The following NHSL1 variants were observed in gnomAD, a reference collection of about 807,000 sequenced individuals.
NHSL1 encodes NHS like 1.
In NHSL1, 48 loss-of-function variants were observed where a neutral mutation model predicts 95.0. That is an observed-to-expected ratio of 0.51 (90% CI 0.40 to 0.64). NHSL1 has a LOEUF of 0.64. NHSL1 is among the 30% of genes least tolerant of loss of function. The probability of loss-of-function intolerance (pLI) is 0.00; values close to 1 mark genes in which losing one functional copy is unlikely to be tolerated. For synonymous variants in NHSL1, 783 were observed against 833.9 expected, an observed-to-expected ratio of 0.94 and a Z score of 1.05; for missense variants, 1,971 against 2,077.7, an observed-to-expected ratio of 0.95 and a Z score of 1.00.
In NHSL1 at chr6:138,432,799, T is replaced by C. The variant is rs1364178864; in HGVS notation, c.1546A>G (p.Met516Val). 1.9e-6 allele frequency: 3 copies of C among 1,551,574 alleles called. No homozygotes were observed. The highest frequency in any genetic ancestry group is 1.4e-5 in the African/African-American group (1 of 73,026). The stretch of plus-strand genomic sequence containing the variant: ...AGGTTGTTTCTACAATTATACGGCA[T>C]AGCTTGGGACCCATTCTCCCTATTT... ...PANRENGSQA[M>V]PYNCRNNLAF... Residue 516 changes from methionine to valine, a missense_variant, in exon 6 of 8, where the codon ATG (methionine) becomes GTG (valine). Physicochemically the swap from Met to Val is conservative, Grantham distance 21. Transcript: ENST00000343505. The surrounding 1 kb of genome is among the most constrained non-coding windows in gnomAD (Gnocchi z 4.4).
At chr6:138,489,221 C>A (rs1779888364) in intron 2 of NHSL1, among the ~76,000 whole-genome samples, 2 of 152,156 alleles carry the variant, frequency 1.3e-5, no homozygotes, top group Non-Finnish European at 2.9e-5. Context: ...TGCACCCCTC[C>A]CTCCACAGAC....
chr6:138,449,222 T>G (rs2876391), intron 3 of NHSL1, among the ~76,000 whole-genome samples: 1 of 152,166 alleles, frequency 6.6e-6, no homozygotes, highest in East Asian at 1.9e-4. Flanking sequence ...CTGTTGGCGA[T>G]AGGGCCCTAG....
At chr6:138,646,382 CA>C in intron 1 of NHSL1, among the ~76,000 whole-genome samples, 1 of 152,152 alleles carries the variant, frequency 6.6e-6, no homozygotes, top group South Asian at 2.1e-4. Context: ...ATCAACCAGC[CA>C]CTTGGGAGGC....
intron 1 of NHSL1, among the ~76,000 whole-genome samples, chr6:138,527,044 G>A (rs1396781026): frequency 1.3e-5 from 2 of 152,144 alleles, no homozygotes; most frequent in Non-Finnish European, 2.9e-5. Context: ...TAACATTAGC[G>A]TCTTTGTCTT....
chr6:138,434,530 T>A (rs1355277577), intron 5 of NHSL1, among the ~76,000 whole-genome samples: 1 of 151,062 alleles, frequency 6.6e-6, no homozygotes, highest in Non-Finnish European at 1.5e-5. Flanking sequence ...AGAACAGAGC[T>A]TATGAGAAAA....
chr6:138,423,155 G>A lies in NHSL1; in HGVS notation c.*926C>T, dbSNP rs1178787896. The A allele has an allele frequency of 6.7e-6, 1 of 150,204 alleles. No individual in the cohort carries two copies. Among genetic ancestry groups the A allele is most frequent in the Non-Finnish European group, 1.5e-5 (1 of 67,798 alleles). The allele number at this position is 150,204 out of a possible 1,614,324, so 9.3% of individuals were successfully genotyped here. A position where few individuals can be genotyped will look rare whatever the true frequency, so the allele number is the denominator to read the frequency against. Reference sequence around the variant, plus strand: ...AAAGCTCCACCCATAGTTCTGTAGTGCAAGTTTTCAAATTTAATTCTGAAA... The same window carrying A: ...AAAGCTCCACCCATAGTTCTGTAGTACAAGTTTTCAAATTTAATTCTGAAA... On this transcript the variant is annotated 3_prime_UTR_variant, in exon 8 of 8. Transcript: ENST00000343505.
chr6:138,566,172 C>T (rs1019186283), intron 1 of NHSL1, among the ~76,000 whole-genome samples: 9 of 151,996 alleles, frequency 5.9e-5, no homozygotes, highest in Admixed American at 1.3e-4. Context: ...CTGAGGTGGG[C>T]GGATCACCTG....
chr6:138,509,863 A>C (rs925019256), intron 1 of NHSL1, among the ~76,000 whole-genome samples: 1 of 152,190 alleles, frequency 6.6e-6, no homozygotes, highest in Non-Finnish European at 1.5e-5. Context: ...AACATTTCTA[A>C]ATCAATAAGG....
intron 1 of NHSL1, among the ~76,000 whole-genome samples, chr6:138,625,941 CCGAAAGTATTTGTTGAATGAAAGT>C (rs1784732166): frequency 6.6e-6 from 1 of 152,226 alleles, no homozygotes; most frequent in Non-Finnish European, 1.5e-5. Context: ...CCACACCCAA[CCGAAAGTATTTGTTGAATGAAAGT>C]TGTTTCCTTA....
In NHSL1 at chr6:138,470,762, C is replaced by G. The variant is rs1409629764; in HGVS notation, c.339+2544G>C. Among the ~76,000 whole-genome samples, 3 of 152,098 alleles carry G rather than the reference C, an allele frequency of 2.0e-5. No homozygotes were observed. The East Asian group carries it at 5.8e-4, about 29-fold the overall frequency. On this transcript the variant is annotated intron_variant, in intron 3 of 7. Transcript: ENST00000343505. Reference sequence around the variant, plus strand: ...GGGACCCCAGAAAATAGCTCTCCTCCCACAAACACCAGGCAGGTCCTCCCC... The same window carrying G: ...GGGACCCCAGAAAATAGCTCTCCTCGCACAAACACCAGGCAGGTCCTCCCC...
rs149237766 is a variant in NHSL1 at position 138,572,086 on chromosome 6, G to A, written c.-175C>T. 1,042 of 573,932 alleles carry A rather than the reference G, an allele frequency of 1.8e-3. 11 individuals are homozygous for A. Among genetic ancestry groups the A allele is most frequent in the African/African-American group, 0.018 (928 of 52,748 alleles). The allele number at this position is 573,932 out of a possible 1,614,324, so 35.6% of individuals were successfully genotyped here. A position where few individuals can be genotyped will look rare whatever the true frequency, so the allele number is the denominator to read the frequency against. ...TCTGTGTCACCCAATTAAAAAGAAAGGGAAAAGGAGGGGTTAAGAAAGAAA... is the reference window on the plus strand; with the variant it reads ...TCTGTGTCACCCAATTAAAAAGAAAAGGAAAAGGAGGGGTTAAGAAAGAAA... On this transcript the variant is annotated 5_prime_UTR_variant, in exon 1 of 7. Transcript: ENST00000427025.
At chr6:138,451,039 A>T (rs1389759728) in intron 3 of NHSL1, among the ~76,000 whole-genome samples, 1 of 152,096 alleles carries the variant, frequency 6.6e-6, no homozygotes, top group Non-Finnish European at 1.5e-5. Context: ...AGGCGAAGGA[A>T]TCCTTTTAGA....
chr6:138,542,439 A>G (rs970933665), intron 1 of NHSL1, among the ~76,000 whole-genome samples: 4 of 152,248 alleles, frequency 2.6e-5, no homozygotes, highest in Non-Finnish European at 4.4e-5. Context: ...CAGTAGGACA[A>G]TACTTCACTA....
intron 1 of NHSL1, among the ~76,000 whole-genome samples, chr6:138,615,977 C>T (rs1322950727): frequency 1.3e-5 from 2 of 152,188 alleles, no homozygotes; most frequent in African/African-American, 4.8e-5. Context: ...ATCGCTTGAG[C>T]CCAGGAGTTT....
intron 1 of NHSL1, among the ~76,000 whole-genome samples, chr6:138,664,213 T>G (rs1785265790): frequency 1.3e-5 from 2 of 152,240 alleles, no homozygotes; most frequent in Non-Finnish European, 2.9e-5. Context: ...TCACATTTAC[T>G]TTACATTTTA....
chr6:138,491,590 A>G (rs79112779), intron 2 of NHSL1, among the ~76,000 whole-genome samples: 5,764 of 152,312 alleles, frequency 0.038, 154 homozygotes, highest in Middle Eastern at 0.068. Context: ...TGATGGATGT[A>G]AAAAGGGTAG....
At position 138,422,883 on chromosome 6, in the gene NHSL1, CAA is replaced by C. The variant is rs900235462; in HGVS notation, c.*1196_*1197del. On this transcript the variant is annotated 3_prime_UTR_variant, in exon 8 of 8. Coordinates refer to ENST00000343505, the MANE Select transcript of NHSL1 (RefSeq NM_001144060.2). ...AATTTTTATCAGTTTATTTGACTAA[CAA>C]GAGCTATTCAGCATTTTCTTCAAAG... is the stretch of plus-strand genomic sequence containing the variant. 6 of 152,082 alleles carry C rather than the reference CAA, an allele frequency of 3.9e-5. No homozygotes were observed. The highest frequency in any genetic ancestry group is 4.1e-4 in the South Asian group (2 of 4,828). The allele number at this position is 152,082 out of a possible 1,614,324, so 9.4% of individuals were successfully genotyped here. A position where few individuals can be genotyped will look rare whatever the true frequency, so the allele number is the denominator to read the frequency against.
chr6:138,639,494 A>T (rs1293986926), intron 1 of NHSL1, among the ~76,000 whole-genome samples: 1 of 151,938 alleles, frequency 6.6e-6, no homozygotes, highest in Non-Finnish European at 1.5e-5. Context: ...AAGAAAAAAA[A>T]TAGCTGGGCA....
chr6:138,675,971 T>C (rs1400785585), intron 1 of NHSL1, among the ~76,000 whole-genome samples: 1 of 152,208 alleles, frequency 6.6e-6, no homozygotes, highest in Non-Finnish European at 1.5e-5. Context: ...ATATTACAAG[T>C]TCAAAATAAC....
Sources: gnomAD v4.1 joint callset for allele counts (sites outside exome capture counted in the v4.1 genomes callset) on GRCh38, gnomAD v4.1.1 for gene constraint, Gnocchi (gnomAD v3.1) non-coding constraint, MANE v1.5 for transcripts, NCBI Gene and HGNC (gene_info 2026-07-23, HGNC 2026-07-21) for gene names.